NLRP7: variants seen among roughly 807,000 people sequenced by gnomAD.
NLRP7 encodes the protein NACHT, LRR and PYD domains-containing protein 7.
A neutral mutation model predicts 85.5 loss-of-function variants in NLRP7; 72 were observed. The observed-to-expected ratio is 0.84, with a 90% CI of 0.70 to 1.02. NLRP7 has a LOEUF of 1.02. Among genes scored for constraint, NLRP7 ranks in the 50% least tolerant of loss-of-function variants. The probability of loss-of-function intolerance (pLI) is 0.00; values close to 1 mark genes in which losing one functional copy is unlikely to be tolerated. For missense variants in NLRP7, 1,243 were observed against 1,219.5 expected, an observed-to-expected ratio of 1.02 and a Z score of -0.29; for synonymous variants, 550 against 505.2, an observed-to-expected ratio of 1.09 and a Z score of -1.19.
At chr19:54,954,550 AAAG>A (rs2069790039) in intron 1 of NLRP7, among the ~76,000 whole-genome samples, 2 of 150,664 alleles carry the variant, frequency 1.3e-5, no homozygotes, top group South Asian at 4.2e-4. Context: ...AAAAAAAAAA[AAAG>A]GGCAACCGAG....
At chr19:54,926,714 G>C (rs269928) in intron 9 of NLRP7, among the ~76,000 whole-genome samples, 3 of 151,440 alleles carry the variant, frequency 2.0e-5, no homozygotes, top group Admixed American at 1.3e-4. Flanking sequence ...TCAGGAGCTC[G>C]AGACCAGCCT....
intron 1 of NLRP7, among the ~76,000 whole-genome samples, chr19:54,960,744 C>A (rs900554820): frequency 1.3e-5 from 2 of 151,960 alleles, no homozygotes; most frequent in African/African-American, 4.8e-5. Context: ...TACAGGCACC[C>A]GCCACCGTGC....
chr19:54,927,828 A>T (rs2068512095), intron 9 of NLRP7, 53 bp from the exon 10 acceptor site: 1 of 1,545,286 alleles, frequency 6.5e-7, no homozygotes, highest in Non-Finnish European at 8.9e-7. Flanking sequence ...GTAGTGGCTC[A>T]AGCGTGTAAT....
At chr19:54,939,162 A>T (rs1457222414) in exon 4 of NLRP7, 3 of 1,614,114 alleles carry the variant, frequency 1.9e-6, no homozygotes, top group Non-Finnish European at 2.5e-6. Flanking sequence ...TGTGCTTTGC[A>T]TTGCAGCAAT....
intron 1 of NLRP7, 34 bp from the exon 2 acceptor site, chr19:54,941,784 T>TA (rs2069241832): frequency 6.7e-7 from 1 of 1,485,330 alleles, no homozygotes; most frequent in Admixed American, 2.2e-5. Flanking sequence ...GTTCACGAGT[T>TA]ACCATCATTA....
intron 1 of NLRP7, among the ~76,000 whole-genome samples, chr19:54,954,616 G>A (rs1310761270): frequency 2.0e-5 from 3 of 151,174 alleles, no homozygotes; most frequent in Non-Finnish European, 2.9e-5. Flanking sequence ...AGGCCGAGGC[G>A]GGCATATCAC....
At chr19:54,965,335 G>T (rs533456357) in intron 1 of NLRP7, 1 of 104,188 alleles carries the variant, frequency 9.6e-6, no homozygotes, top group South Asian at 2.5e-4. Context: ...TTCTCAACCT[G>T]CAGCCCTCAT....
rs749891684 is a variant in NLRP7 at position 54,934,638 on chromosome 19, G to T, written c.2322C>A (p.Thr774=). The T allele has an allele frequency of 3.7e-6, 6 of 1,613,628 alleles. No homozygotes were observed. Among genetic ancestry groups the T allele is most frequent in the Non-Finnish European group, 5.1e-6 (6 of 1,179,866 alleles). The stretch of plus-strand genomic sequence containing the variant: ...AGAAGAATTCAGCCCACTGCTCCGG[G>T]GTGGCACAGTGACCTCCCAACCTGT... The change falls in exon 7 of 10, where the codon ACC becomes ACA. Residue 774 remains threonine, a synonymous_variant. Transcript: ENST00000340844. The surrounding 1 kb of genome is among the most constrained non-coding windows in gnomAD (Gnocchi z 6.7).
At chr19:54,930,771 A>T (rs766159718) in intron 8 of NLRP7, 105 bp from the exon 9 acceptor site, 6 of 943,240 alleles carry the variant, frequency 6.4e-6, no homozygotes, top group Non-Finnish European at 1.0e-5. Context: ...ACTGGAATGC[A>T]GTGCTGCACT....
At chr19:54,948,211 C>CT (rs1242828195), upstream of NLRP7, among the ~76,000 whole-genome samples, 1 of 152,114 alleles carries the variant, frequency 6.6e-6, no homozygotes, top group Admixed American at 6.6e-5. Flanking sequence ...TGGTGAAACT[C>CT]TGTCTCTACT....
At chr19:54,961,472 T>C (rs536827624) in intron 1 of NLRP7, among the ~76,000 whole-genome samples, 1 of 151,922 alleles carries the variant, frequency 6.6e-6, no homozygotes, top group African/African-American at 2.4e-5. Flanking sequence ...CACTCCAGCC[T>C]GGGCAACAAC....
chr19:54,931,796 G>A (rs1301687813), intron 8 of NLRP7, among the ~76,000 whole-genome samples: 3 of 151,502 alleles, frequency 2.0e-5, no homozygotes, highest in South Asian at 4.2e-4. Context: ...GTTGCAGTGA[G>A]CCAAGATCGC....
intron 1 of NLRP7, among the ~76,000 whole-genome samples, chr19:54,956,653 C>T (rs7252481): frequency 0.035 from 5,185 of 149,844 alleles, 289 homozygotes; most frequent in African/African-American, 0.12. Context: ...GAGATTGTGC[C>T]TTTGCACTCC....
chr19:54,939,232 C>A (rs746360182), exon 4 of NLRP7: 9 of 1,614,132 alleles, frequency 5.6e-6, no homozygotes, highest in Non-Finnish European at 7.6e-6. Flanking sequence ...CCTTGGCTCT[C>A]TTCTCGTTAG....
Position 54,961,799 on chromosome 19 carries a change from G to A in NLRP7, c.-77+4241C>T, listed in dbSNP as rs991589620. Among the ~76,000 whole-genome samples, 188 of 149,416 alleles carry A rather than the reference G, an allele frequency of 1.3e-3. 1 individual carries two copies. The highest frequency in any genetic ancestry group is 4.2e-3 in the African/African-American group (169 of 40,668). On this transcript the variant is annotated intron_variant, in intron 1 of 2. Transcript: ENST00000587103. Reference sequence around the variant, plus strand: ...TGCACTCCAGCCTGGGCAACAGAGCGAGAGTCTGTCTCAAAAAGGAAACAA... The same window carrying A: ...TGCACTCCAGCCTGGGCAACAGAGCAAGAGTCTGTCTCAAAAAGGAAACAA...
upstream of NLRP7, chr19:54,947,513 G>T: frequency 7.8e-7 from 1 of 1,289,744 alleles, no homozygotes; most frequent in South Asian, 1.2e-5. Context: ...TTCCTGCAAA[G>T]GAAACGGATA....
exon 4 of NLRP7, chr19:54,939,312 G>A (rs1250798113): frequency 6.2e-7 from 1 of 1,614,120 alleles, no homozygotes; most frequent in Admixed American, 1.7e-5. Flanking sequence ...CCGGAAAGCA[G>A]CTTCTGTACG....
exon 5 of NLRP7, chr19:54,938,080 T>G (rs2146208926): frequency 2.5e-6 from 4 of 1,614,032 alleles, no homozygotes; most frequent in Non-Finnish European, 3.4e-6. Flanking sequence ...ACGGGTTACG[T>G]GGTCACAAAG....
intron 3 of NLRP7, 101 bp downstream of exon 3, chr19:54,940,826 CAAAA>C: frequency 1.3e-6 from 1 of 759,202 alleles, no homozygotes; most frequent in Admixed American, 2.0e-5. Context: ...GATTCCGTCT[CAAAA>C]AAAAAAAAAA....
Sources: allele counts gnomAD v4.1 joint callset (sites outside exome capture counted in the v4.1 genomes callset), GRCh38; gene constraint gnomAD v4.1.1; non-coding constraint Gnocchi (gnomAD v3.1); transcripts MANE v1.5; gene names NCBI Gene and HGNC (gene_info 2026-07-23, HGNC 2026-07-21).